AOPEP: variants seen among roughly 807,000 people sequenced by gnomAD.
The protein encoded by AOPEP is aminopeptidase O (putative).
AOPEP carries 77 observed loss-of-function variants against 98.1 expected under a neutral mutation model. The observed-to-expected ratio is 0.78, with a 90% CI of 0.65 to 0.95. The LOEUF (loss-of-function observed/expected upper bound fraction) is 0.95. AOPEP is among the 40% of genes least tolerant of loss of function. The pLI is 0.00. For missense variants in AOPEP, 1,024 were observed against 1,024.7 expected (o/e 1.00, Z 0.01); for synonymous variants, 346 against 365.3 (o/e 0.95, Z 0.60).
intron 13 of AOPEP, among the ~76,000 whole-genome samples, chr9:95,044,803 G>C (rs10761372): frequency 0.75 from 113,771 of 152,004 alleles, 43,361 homozygotes; most frequent in Non-Finnish European, 0.82. Context: ...GTAAGGCAGG[G>C]CTGGTGTGCC....
intron 13 of AOPEP, among the ~76,000 whole-genome samples, chr9:95,057,697 C>T (rs936779519): frequency 6.6e-5 from 10 of 152,152 alleles, no homozygotes; most frequent in African/African-American, 2.2e-4. Context: ...CCCAAAATAA[C>T]GTTTGTTCAC....
intron 9 of AOPEP, among the ~76,000 whole-genome samples, chr9:94,962,218 A>C (rs1229684909): frequency 6.6e-6 from 1 of 152,242 alleles, no homozygotes; most frequent in African/African-American, 2.4e-5. Flanking sequence ...TTTAGGTGAC[A>C]GCCCTAGAAC....
chr9:95,077,976 C>T (rs565853388), intron 14 of AOPEP, among the ~76,000 whole-genome samples: 5 of 152,126 alleles, frequency 3.3e-5, no homozygotes, highest in East Asian at 1.9e-4. Flanking sequence ...AGCATCCTGT[C>T]GCCGAAATAT....
chr9:94,818,496 G>A (rs1852197162), intron 5 of AOPEP, among the ~76,000 whole-genome samples: 1 of 152,112 alleles, frequency 6.6e-6, no homozygotes. Flanking sequence ...GTACACATTG[G>A]AATTTCTCCG....
intron 4 of AOPEP, 28 bp downstream of exon 4, chr9:94,792,946 GAAAA>G: frequency 3.9e-6 from 5 of 1,271,506 alleles, no homozygotes; most frequent in Non-Finnish European, 5.3e-6. Flanking sequence ...TGCTGGGAAG[GAAAA>G]AAAAAAAAAC....
At chr9:94,867,867 G>C (rs2045885147) in intron 5 of AOPEP, among the ~76,000 whole-genome samples, 1 of 152,214 alleles carries the variant, frequency 6.6e-6, no homozygotes. Context: ...ATTTAAGCCA[G>C]TTGCCTTTCA....
At chr9:94,842,794 TAATAAA>T (rs1049684201) in intron 5 of AOPEP, among the ~76,000 whole-genome samples, 7 of 152,138 alleles carry the variant, frequency 4.6e-5, no homozygotes, top group Non-Finnish European at 2.9e-5. Flanking sequence ...CAATAAAAAT[TAATAAA>T]AATAAAAAAT....
chr9:95,108,229 C>T, the AOPEP span, among the ~76,000 whole-genome samples: 2 of 152,182 alleles, frequency 1.3e-5, no homozygotes, highest in Non-Finnish European at 2.9e-5. Context: ...CCTCTGACCA[C>T]AATACAAGAC....
At chr9:94,791,926 C>A (rs1845818113) in intron 3 of AOPEP, among the ~76,000 whole-genome samples, 1 of 152,204 alleles carries the variant, frequency 6.6e-6, no homozygotes, top group Admixed American at 6.5e-5. Context: ...TTGTATGACA[C>A]ATTCAGATTT....
intron 13 of AOPEP, among the ~76,000 whole-genome samples, chr9:95,048,478 A>G (rs2066037989): frequency 6.6e-6 from 1 of 151,888 alleles, no homozygotes; most frequent in Non-Finnish European, 1.5e-5. Context: ...GGGCGGGGCG[A>G]GGTGCCGGCG....
At chr9:94,809,024 T>G (rs997674183) in intron 5 of AOPEP, among the ~76,000 whole-genome samples, 3 of 152,216 alleles carry the variant, frequency 2.0e-5, no homozygotes, top group African/African-American at 7.2e-5. Context: ...AAGGGGTGGA[T>G]GGACAAAGCC....
At chr9:94,819,710 A>G (rs1852556940) in intron 5 of AOPEP, among the ~76,000 whole-genome samples, 1 of 150,810 alleles carries the variant, frequency 6.6e-6, no homozygotes, top group African/African-American at 2.4e-5. Context: ...AGCTGGGACT[A>G]CAGGCATGTG....
chr9:95,148,960 T>C, the AOPEP span, among the ~76,000 whole-genome samples: 1 of 152,326 alleles, frequency 6.6e-6, no homozygotes, highest in East Asian at 1.9e-4. Context: ...ATTTTCTTCA[T>C]ACACTTCAAC....
intron 5 of AOPEP, among the ~76,000 whole-genome samples, chr9:94,854,902 AAG>A (rs919993155): frequency 2.6e-5 from 4 of 152,168 alleles, no homozygotes; most frequent in Non-Finnish European, 4.4e-5. Flanking sequence ...AAGAAACAAA[AAG>A]TAAGAAAATG....
At chr9:94,936,907 T>G (rs1298096826) in intron 7 of AOPEP, among the ~76,000 whole-genome samples, 1 of 152,180 alleles carries the variant, frequency 6.6e-6, no homozygotes, top group Non-Finnish European at 1.5e-5. Context: ...GGGATACAGG[T>G]GAAGAGATGC....
At chr9:94,995,909 C>T (rs111727182) in intron 11 of AOPEP, among the ~76,000 whole-genome samples, 4,169 of 152,098 alleles carry the variant, frequency 0.027, 94 homozygotes, top group Admixed American at 0.041. Context: ...CTGGGTTTAT[C>T]CCTAGTAGAA....
At chr9:94,896,018 A>G (rs181554533) in intron 5 of AOPEP, among the ~76,000 whole-genome samples, 1 of 152,324 alleles carries the variant, frequency 6.6e-6, no homozygotes, top group East Asian at 1.9e-4. Context: ...ATGTTTGCCT[A>G]TCTCTATTCT....
chr9:94,932,037 G>A (rs776447604), intron 7 of AOPEP: 126 of 1,169,808 alleles, frequency 1.1e-4, no homozygotes, highest in Non-Finnish European at 1.3e-4. Flanking sequence ...AGCTGATAAA[G>A]AAGAGAACAG....
rs115625279 is a variant in AOPEP, at chr9:94,790,882, A to G, written c.965-1883A>G. Among the ~76,000 whole-genome samples the G allele has an allele frequency of 5.0e-3, 757 of 151,940 alleles. 12 individuals are homozygous for G. Among genetic ancestry groups the G allele is most frequent in the African/African-American group, 0.017 (717 of 41,466 alleles). On this transcript the variant is annotated intron_variant, in intron 3 of 16. Coordinates refer to ENST00000375315, the MANE Select transcript of AOPEP (RefSeq NM_001193329.3). Reference sequence around the variant, plus strand: ...GACCAAATTGGACAACCACAGGCCAATTTGGTCAGTGATTGGATGTCAAAT... The same window carrying G: ...GACCAAATTGGACAACCACAGGCCAGTTTGGTCAGTGATTGGATGTCAAAT...
Sources: allele counts gnomAD v4.1 joint callset (sites outside exome capture counted in the v4.1 genomes callset), GRCh38; gene constraint gnomAD v4.1.1; transcripts MANE v1.5; gene names NCBI Gene and HGNC (gene_info 2026-07-23, HGNC 2026-07-21).